Variants in MED14 observed in about 807,000 individuals in gnomAD.
MED14 encodes mediator of RNA polymerase II transcription subunit 14.
Under a neutral mutation model 109.0 loss-of-function variants are expected in MED14, and 8 were observed. The observed-to-expected ratio is 0.07, with a 90% CI of 0.04 to 0.13. The LOEUF is 0.13. Ranked by LOEUF, MED14 falls within the 10% of genes least tolerant of loss-of-function variation. The probability of loss-of-function intolerance (pLI) is 1.00; values close to 1 mark genes in which losing one functional copy is unlikely to be tolerated. For missense variants in MED14, 711 were observed against 1,142.4 expected (o/e 0.62, Z 5.44); for synonymous variants, 399 against 408.7 (o/e 0.98, Z 0.29).
chrX:40,712,544 T>C (rs369463632), intron 6 of MED14, among the ~76,000 whole-genome samples: 2 of 111,255 alleles, frequency 1.8e-5, no homozygotes, highest in Non-Finnish European at 3.8e-5. Context: ...AATATATATA[T>C]AGAGAGACAG....
At chrX:40,733,672 G>A (rs1019332995) in intron 1 of MED14, among the ~76,000 whole-genome samples, 2 of 111,979 alleles carry the variant, frequency 1.8e-5, no homozygotes, top group Non-Finnish European at 3.8e-5. Flanking sequence ...TGTGAAGAGA[G>A]AGGAGCCAGG....
chrX:40,669,862 G>A (rs1430957996), intron 23 of MED14, among the ~76,000 whole-genome samples: 1 of 111,058 alleles, frequency 9.0e-6, no homozygotes, highest in African/African-American at 3.3e-5. Context: ...AGTGTCGAAA[G>A]GAGGGAGGCA....
At chrX:40,661,073 C>A (rs1929248176) in intron 26 of MED14, among the ~76,000 whole-genome samples, 1 of 111,260 alleles carries the variant, frequency 9.0e-6, no homozygotes, top group Non-Finnish European at 1.9e-5. Flanking sequence ...TGCCACCACA[C>A]CCAGATAATT....
intron 12 of MED14, 23 bp downstream of exon 12, chrX:40,701,142 T>G: frequency 9.1e-7 from 1 of 1,103,007 alleles, no homozygotes. Context: ...ATTTTTAGTC[T>G]TGAGCTATAT....
intron 10 of MED14, among the ~76,000 whole-genome samples, chrX:40,704,368 C>T (rs1361876095): frequency 8.9e-6 from 1 of 111,966 alleles, no homozygotes; most frequent in Non-Finnish European, 1.9e-5. Context: ...TCTGAAGCTA[C>T]AGCACAGAAA....
intron 28 of MED14, among the ~76,000 whole-genome samples, chrX:40,657,420 C>T (rs1466353254): frequency 1.8e-5 from 2 of 110,870 alleles, no homozygotes; most frequent in Non-Finnish European, 3.8e-5. Context: ...CACCATGTGA[C>T]GACAGAGGCA....
At chrX:40,684,605 T>C (rs1320330017) in intron 16 of MED14, among the ~76,000 whole-genome samples, 1 of 112,436 alleles carries the variant, frequency 8.9e-6, no homozygotes, top group African/African-American at 3.2e-5. Flanking sequence ...TGCCTGCCCT[T>C]ACCCCTCACG....
intron 6 of MED14, 134 bp downstream of exon 6, chrX:40,712,780 C>T (rs1052122173): frequency 1.2e-5 from 7 of 595,240 alleles, no homozygotes; most frequent in Non-Finnish European, 1.5e-5. Context: ...CTCAAGCGAT[C>T]CACCTGCCTT....
intron 23 of MED14, among the ~76,000 whole-genome samples, chrX:40,667,405 T>C (rs777077811): frequency 4.1e-4 from 46 of 111,779 alleles, no homozygotes; most frequent in African/African-American, 1.4e-3. Context: ...GGCATGAGGA[T>C]ACCCAGGGGA....
chrX:40,705,456 C>T (rs1272670518), intron 10 of MED14, among the ~76,000 whole-genome samples: 2 of 111,654 alleles, frequency 1.8e-5, no homozygotes, highest in Admixed American at 9.5e-5. Flanking sequence ...TGATACAAAT[C>T]GATGTACAAT....
At chrX:40,706,914 G>A (rs999920549) in intron 10 of MED14, among the ~76,000 whole-genome samples, 1 of 111,621 alleles carries the variant, frequency 9.0e-6, no homozygotes, top group Non-Finnish European at 1.9e-5. Flanking sequence ...CTCAACAAAC[G>A]AAGTTTTGAA....
At chrX:40,668,414 A>G (rs184732630) in intron 23 of MED14, among the ~76,000 whole-genome samples, 2,309 of 109,771 alleles carry the variant, frequency 0.021, 73 homozygotes, top group African/African-American at 0.072. Context: ...AATCAAAGAA[A>G]AAAGAAAATA....
intron 7 of MED14, 57 bp from the exon 8 acceptor site, chrX:40,711,358 G>A: frequency 1.0e-6 from 1 of 963,464 alleles, no homozygotes; most frequent in Non-Finnish European, 1.4e-6. Context: ...ATCAAGTCCA[G>A]GAGAACTTCA....
chrX:40,664,269 A>T, intron 25 of MED14, 38 bp downstream of exon 25: 1 of 1,161,938 alleles, frequency 8.6e-7, no homozygotes, highest in East Asian at 3.1e-5. Flanking sequence ...ACTTTGGGTT[A>T]TACTAAAAAA....
intron 22 of MED14, among the ~76,000 whole-genome samples, chrX:40,672,639 T>C (rs1243345311): frequency 8.9e-6 from 1 of 112,392 alleles, no homozygotes; most frequent in African/African-American, 3.2e-5. Flanking sequence ...TAGCTTTAAT[T>C]TGTATTTCTG....
chrX:40,712,253 G>A lies in MED14; in HGVS notation c.822C>T (p.Ile274=). The A allele has an allele frequency of 8.3e-7, 1 of 1,208,939 alleles. No individual in the cohort carries two copies. Among genetic ancestry groups the A allele is most frequent in the South Asian group, 1.8e-5 (1 of 56,383 alleles). The change falls in exon 7 of 31, where the codon ATC becomes ATT. Residue 274 remains isoleucine, a synonymous_variant. Coordinates refer to ENST00000324817, the MANE Select transcript of MED14 (RefSeq NM_004229.4). ...AGAGCCTAGACTGCACCAGTTGATG[G>A]ATGAAGCTGATTTGCATGCTATGAA... is the stretch of plus-strand genomic sequence containing the variant. ...ALVHSMQISF[I]HQLVQSRLFA...
At chrX:40,678,291 T>G (rs1053901743) in intron 21 of MED14, among the ~76,000 whole-genome samples, 3 of 107,573 alleles carry the variant, frequency 2.8e-5, no homozygotes, top group Non-Finnish European at 5.7e-5. Context: ...TAAGTTATCT[T>G]GATATGTTTG....
intron 1 of MED14, among the ~76,000 whole-genome samples, chrX:40,731,367 TAA>T: frequency 9.0e-6 from 1 of 111,139 alleles, no homozygotes; most frequent in East Asian, 2.8e-4. Context: ...ACTGTTTCCC[TAA>T]AGACTCATAA....
At chrX:40,704,802 A>G (rs1033450527) in intron 10 of MED14, among the ~76,000 whole-genome samples, 2 of 111,859 alleles carry the variant, frequency 1.8e-5, no homozygotes, top group Non-Finnish European at 3.8e-5. Flanking sequence ...TGAGCATCCT[A>G]AACTCCAAAA....
Sources: allele counts gnomAD v4.1 joint callset (sites outside exome capture counted in the v4.1 genomes callset), GRCh38; gene constraint gnomAD v4.1.1; transcripts MANE v1.5; gene names NCBI Gene and HGNC (gene_info 2026-07-23, HGNC 2026-07-21).